Variants in SDC3 observed in about 807,000 individuals in gnomAD.
SDC3 encodes the protein syndecan-3.
Under a neutral mutation model 24.4 loss-of-function variants are expected in SDC3, and 13 were observed. That is an observed-to-expected ratio of 0.53 (90% CI 0.35 to 0.85). SDC3 has a LOEUF of 0.85. Ranked by LOEUF, SDC3 falls within the 40% of genes least tolerant of loss-of-function variation. SDC3 has a pLI of 0.01. For missense variants in SDC3, 571 were observed against 584.5 expected (o/e 0.98, Z 0.24); for synonymous variants, 295 against 260.9 (o/e 1.13, Z -1.26).
upstream of SDC3, chr1:30,908,804 G>T: frequency 6.9e-6 from 1 of 145,712 alleles, no homozygotes; most frequent in South Asian, 1.9e-4. Flanking sequence ...GCCGCCGCCG[G>T]GCCGCCCCCA....
chr1:30,892,023 C>G (rs574438967), intron 1 of SDC3, among the ~76,000 whole-genome samples: 61 of 151,984 alleles, frequency 4.0e-4, no homozygotes, highest in African/African-American at 9.4e-4. Context: ...GCTCACCCCC[C>G]CAACCCAACA....
At position 30,881,271 on chromosome 1, in the gene SDC3, C is replaced by A. The variant is rs77582231; in HGVS notation, c.139-2531G>T. The A allele has an allele frequency of 3.2e-3, 493 of 155,048 alleles. 1 individual carries two copies. The highest frequency in any genetic ancestry group is 4.9e-3 in the Non-Finnish European group (337 of 69,240). 9.6% of individuals were successfully genotyped at this position (155,048 alleles called of 1,614,324 possible). A position where few individuals can be genotyped will look rare whatever the true frequency, so the allele number is the denominator to read the frequency against. ...ATGCCCTAGGGTACTCACAGACACA[C>A]ACACACACTCCTCTCCTCACCACAC... On this transcript the variant is annotated intron_variant, in intron 1 of 4. Transcript: ENST00000339394.
rs143729111 is a variant in SDC3 at position 30,874,535 on chromosome 1, C to G, written c.924G>C (p.Pro308=). 4 of 1,614,150 alleles carry G rather than the reference C, an allele frequency of 2.5e-6. No individual in the cohort carries two copies. The African/African-American group carries it at 5.3e-5, about 22-fold the overall frequency. Residue 308 remains proline, a synonymous_variant, in exon 4 of 5, where the codon CCG becomes CCC. Coordinates refer to ENST00000339394, the MANE Select transcript of SDC3 (RefSeq NM_014654.4). ...AGTCTCCACTGGGCCCCCCACTCACCGGAACCTCTGGCTCATCCCGGATTG... is the reference window on the plus strand; with the variant it reads ...AGTCTCCACTGGGCCCCCCACTCACGGGAACCTCTGGCTCATCCCGGATTG... ...LTTIRDEPEV[P]VSGGPSGDFE... is the part of the protein sequence containing the mutation.
At position 30,877,194 on chromosome 1, in the gene SDC3, T is replaced by C. The variant is rs745499253; in HGVS notation, c.257-29A>G. 2.5e-6 allele frequency: 4 copies of C among 1,612,768 alleles called. No individual in the cohort carries two copies. The Admixed American group carries it at 5.0e-5, about 20-fold the overall frequency. Reference sequence around the variant, plus strand: ...AGGGGGTGGGGGAGAGGGAGAGAGCTAGGGAGCTGGGTGGTTGTGAGGGGC... The same window carrying C: ...AGGGGGTGGGGGAGAGGGAGAGAGCCAGGGAGCTGGGTGGTTGTGAGGGGC... On this transcript the variant is annotated intron_variant, in intron 2 of 4. Transcript: ENST00000339394.
intron 3 of SDC3, 68 bp downstream of exon 3, chr1:30,876,484 A>G: frequency 7.3e-7 from 1 of 1,365,620 alleles, no homozygotes; most frequent in South Asian, 1.7e-5. Flanking sequence ...GTCCAGCCCC[A>G]TCCTCCTCAT....
At chr1:30,902,381 G>A (rs1046612643) in intron 1 of SDC3, among the ~76,000 whole-genome samples, 4 of 152,212 alleles carry the variant, frequency 2.6e-5, no homozygotes, top group Non-Finnish European at 4.4e-5. Context: ...TGGCCATGGC[G>A]GGAGGGGGGC....
intron 1 of SDC3, among the ~76,000 whole-genome samples, chr1:30,891,051 G>A (rs1029930096): frequency 2.0e-5 from 3 of 152,034 alleles, no homozygotes; most frequent in Non-Finnish European, 2.9e-5. Flanking sequence ...CCCAACCCTC[G>A]ACCCCAGCAT....
intron 1 of SDC3, among the ~76,000 whole-genome samples, chr1:30,885,084 T>C (rs1639808727): frequency 6.6e-6 from 1 of 152,242 alleles, no homozygotes; most frequent in Non-Finnish European, 1.5e-5. Flanking sequence ...GATAGGAATA[T>C]GCAGATGGCT....
chr1:30,887,664 C>G (rs1172060510), intron 1 of SDC3, among the ~76,000 whole-genome samples: 1 of 152,216 alleles, frequency 6.6e-6, no homozygotes, highest in Non-Finnish European at 1.5e-5. Context: ...TCTGTCTCCC[C>G]CTCCAATTGC....
rs1355626496 is a variant in SDC3 at position 30,872,593 on chromosome 1, G to C, written c.*618C>G. 1 of 152,766 alleles carries C rather than the reference G, an allele frequency of 6.5e-6. No homozygotes were observed. The highest frequency in any genetic ancestry group is 1.9e-4 in the East Asian group (1 of 5,204). The allele number at this position is 152,766 out of a possible 1,614,324, so 9.5% of individuals were successfully genotyped here. A position where few individuals can be genotyped will look rare whatever the true frequency, so the allele number is the denominator to read the frequency against. On this transcript the variant is annotated 3_prime_UTR_variant, in exon 5 of 5. Coordinates refer to ENST00000339394, the MANE Select transcript of SDC3 (RefSeq NM_014654.4). ...ACCCTCAGGAAGCTGTTTCTTGGGG[G>C]AAGATGCAGAAAGAAATGAAGTCTG...
chr1:30,897,867 C>T (rs1007811566), intron 1 of SDC3, among the ~76,000 whole-genome samples: 1 of 152,158 alleles, frequency 6.6e-6, no homozygotes, highest in Non-Finnish European at 1.5e-5. Context: ...AACATTTGGC[C>T]GAGTGTTTTG....
At chr1:30,874,151 GAGTT>G in intron 4 of SDC3, 142 bp downstream of exon 4, 2 of 646,488 alleles carry the variant, frequency 3.1e-6, no homozygotes. Flanking sequence ...CTGGGGGGTT[GAGTT>G]CTCAAGTTTC....
intron 1 of SDC3, among the ~76,000 whole-genome samples, chr1:30,898,535 T>C (rs958473868): frequency 6.6e-6 from 1 of 152,104 alleles, no homozygotes. Flanking sequence ...AGCCCCCAGC[T>C]AGCTTGGAAC....
intron 1 of SDC3, among the ~76,000 whole-genome samples, chr1:30,899,584 T>A (rs1638367977): frequency 6.6e-6 from 1 of 151,874 alleles, no homozygotes; most frequent in Non-Finnish European, 1.5e-5. Flanking sequence ...CTTGGCCAGG[T>A]GGGTCTTGAA....
intron 1 of SDC3, among the ~76,000 whole-genome samples, chr1:30,882,550 C>T (rs1353015611): frequency 1.3e-5 from 2 of 152,072 alleles, no homozygotes; most frequent in African/African-American, 4.8e-5. Context: ...GCCCAGCCCC[C>T]TCCCTCCCAG....
At chr1:30,891,029 C>T (rs906001083) in intron 1 of SDC3, among the ~76,000 whole-genome samples, 12 of 152,188 alleles carry the variant, frequency 7.9e-5, no homozygotes, top group African/African-American at 2.9e-4. Context: ...CAGACCCAGG[C>T]TATCTGCCGT....
intron 1 of SDC3, among the ~76,000 whole-genome samples, chr1:30,887,823 G>T (rs1639852477): frequency 6.6e-6 from 1 of 152,154 alleles, no homozygotes; most frequent in Non-Finnish European, 1.5e-5. Context: ...CCTGCCTCCT[G>T]CTCCCAATCG....
upstream of SDC3, chr1:30,908,866 C>A: frequency 2.9e-3 from 1 of 348 alleles, no homozygotes; most frequent in South Asian, 3.2e-3. Flanking sequence ...CCAGTGCGCC[C>A]CCCGCGGGGC....
chr1:30,879,570 C>T (rs934862627), intron 1 of SDC3, among the ~76,000 whole-genome samples: 1 of 152,160 alleles, frequency 6.6e-6, no homozygotes, highest in African/African-American at 2.4e-5. Context: ...AACCAGCCAA[C>T]CTGGAGTCCC....
Sources: allele counts gnomAD v4.1 joint callset (sites outside exome capture counted in the v4.1 genomes callset), GRCh38; gene constraint gnomAD v4.1.1; transcripts MANE v1.5; gene names NCBI Gene and HGNC (gene_info 2026-07-23, HGNC 2026-07-21).